MED13L: variants seen among roughly 807,000 people sequenced by gnomAD.
MED13L encodes the protein mediator complex subunit 13L.
MED13L carries 7 observed loss-of-function variants against 220.9 expected under a neutral mutation model. The observed-to-expected ratio is 0.03, with a 90% CI of 0.02 to 0.06. The LOEUF (loss-of-function observed/expected upper bound fraction) is 0.06, where lower values mean the gene tolerates loss of function less well. Among genes scored for constraint, MED13L ranks in the 10% least tolerant of loss-of-function variants. The pLI, the probability that MED13L is intolerant of heterozygous loss-of-function variation, is 1.00. For synonymous variants in MED13L, 1,011 were observed against 1,015.2 expected, an observed-to-expected ratio of 1.00 and a Z score of 0.08; for missense variants, 1,965 against 2,760.5, an observed-to-expected ratio of 0.71 and a Z score of 6.46.
intron 2 of MED13L, among the ~76,000 whole-genome samples, chr12:116,190,565 C>A (rs1881207244): frequency 6.6e-6 from 1 of 152,102 alleles, no homozygotes; most frequent in African/African-American, 2.4e-5. Context: ...AGGAAGCAAT[C>A]CAAAACATTA....
intron 4 of MED13L, among the ~76,000 whole-genome samples, chr12:116,048,784 A>C (rs188487890): frequency 1.3e-5 from 2 of 152,310 alleles, no homozygotes; most frequent in Admixed American, 6.5e-5. Context: ...GGCAGTGCCT[A>C]AGTTACAGAC....
intron 4 of MED13L, among the ~76,000 whole-genome samples, chr12:116,087,948 A>G (rs1347794808): frequency 1.3e-5 from 2 of 152,336 alleles, no homozygotes; most frequent in South Asian, 2.1e-4. Context: ...CAGGTTCCCC[A>G]TCCAGTAGTA....
chr12:116,231,620 G>A (rs946117592), intron 2 of MED13L, among the ~76,000 whole-genome samples: 2 of 152,018 alleles, frequency 1.3e-5, no homozygotes, highest in African/African-American at 4.8e-5. Flanking sequence ...TAAGACAATT[G>A]GGAAATTTGA....
intron 2 of MED13L, among the ~76,000 whole-genome samples, chr12:116,125,643 G>A (rs1042339492): frequency 6.6e-6 from 1 of 152,074 alleles, no homozygotes; most frequent in Admixed American, 6.5e-5. Context: ...TCTACTGTCG[G>A]TGCCCAATCC....
chr12:116,066,362 G>T (rs1869926454), intron 4 of MED13L, among the ~76,000 whole-genome samples: 1 of 152,172 alleles, frequency 6.6e-6, no homozygotes, highest in Admixed American at 6.5e-5. Context: ...AAACTCATTT[G>T]TATCACACCT....
chr12:116,123,285 A>C (rs2137964184), intron 2 of MED13L, among the ~76,000 whole-genome samples: 1 of 152,316 alleles, frequency 6.6e-6, no homozygotes, highest in Non-Finnish European at 1.5e-5. Flanking sequence ...TATATTAAAC[A>C]AGGCTGTATG....
chr12:116,132,234 C>G (rs1421901225), intron 2 of MED13L, among the ~76,000 whole-genome samples: 1 of 142,804 alleles, frequency 7.0e-6, no homozygotes, highest in Non-Finnish European at 1.5e-5. Context: ...GAGCCGAGAT[C>G]GTGGCATTGC....
intron 23 of MED13L, among the ~76,000 whole-genome samples, 163 bp from the exon 24 acceptor site, chr12:115,975,901 C>T (rs1876906053): frequency 6.6e-6 from 1 of 152,094 alleles, no homozygotes; most frequent in South Asian, 2.1e-4. Flanking sequence ...ACTGAGGACA[C>T]ATAACAAAAT....
At chr12:116,054,758 T>G (rs1051016671) in intron 4 of MED13L, among the ~76,000 whole-genome samples, 2 of 152,160 alleles carry the variant, frequency 1.3e-5, no homozygotes, top group African/African-American at 4.8e-5. Flanking sequence ...CTGGTGAGAA[T>G]CTAAGTTGGT....
intron 1 of MED13L, among the ~76,000 whole-genome samples, chr12:116,247,133 C>T (rs181778111): frequency 3.3e-4 from 50 of 151,860 alleles, no homozygotes; most frequent in African/African-American, 1.1e-3. Flanking sequence ...GTGTTTGCTT[C>T]TAAAGAAGGT....
intron 2 of MED13L, among the ~76,000 whole-genome samples, chr12:116,124,148 G>GAGAGAGAGACAGAGAC (rs1359230514): frequency 2.1e-5 from 2 of 93,778 alleles, no homozygotes; most frequent in African/African-American, 6.5e-5. Flanking sequence ...GAGAGAGAGA[G>GAGAGAGAGACAGAGAC]AGACAGAGAC....
intron 26 of MED13L, among the ~76,000 whole-genome samples, chr12:115,971,574 C>T (rs556126631): frequency 3.2e-4 from 48 of 152,306 alleles, no homozygotes; most frequent in African/African-American, 1.1e-3. Context: ...ACAAATGACA[C>T]CTACATCTAT....
intron 1 of MED13L, among the ~76,000 whole-genome samples, chr12:116,254,337 C>G (rs1021362825): frequency 6.6e-6 from 1 of 151,866 alleles, no homozygotes; most frequent in African/African-American, 2.4e-5. Context: ...TTTTTAAAAT[C>G]CAAGGATTTA....
At chr12:116,211,422 C>CA (rs533209410) in intron 2 of MED13L, among the ~76,000 whole-genome samples, 52 of 146,048 alleles carry the variant, frequency 3.6e-4, no homozygotes, top group African/African-American at 8.0e-4. Flanking sequence ...TTTTGCTGAC[C>CA]AAAAAAAAAA....
intron 2 of MED13L, among the ~76,000 whole-genome samples, chr12:116,224,168 A>G (rs1044624162): frequency 6.6e-6 from 1 of 152,144 alleles, no homozygotes; most frequent in Non-Finnish European, 1.5e-5. Flanking sequence ...ACCCTCTAAG[A>G]TCCCAACTAC....
At chr12:116,192,776 C>A (rs1483486310) in intron 2 of MED13L, among the ~76,000 whole-genome samples, 1 of 152,140 alleles carries the variant, frequency 6.6e-6, no homozygotes, top group Non-Finnish European at 1.5e-5. Context: ...TGCTTTAGTT[C>A]AGCAGTTCAA....
chr12:116,158,195 T>C (rs1334851310), intron 2 of MED13L, among the ~76,000 whole-genome samples: 2 of 151,336 alleles, frequency 1.3e-5, no homozygotes, highest in Non-Finnish European at 2.9e-5. Flanking sequence ...TCATCTCTTA[T>C]TCTACATACT....
chr12:116,067,999 T>C (rs1327122941), intron 4 of MED13L, among the ~76,000 whole-genome samples: 1 of 152,186 alleles, frequency 6.6e-6, no homozygotes, highest in Non-Finnish European at 1.5e-5. Context: ...CCAGTCTACT[T>C]CACTTAAGTC....
chr12:116,208,997 G>GA (rs1000280453), intron 2 of MED13L, among the ~76,000 whole-genome samples: 3 of 150,654 alleles, frequency 2.0e-5, no homozygotes, highest in Non-Finnish European at 3.0e-5. Flanking sequence ...AAGCACCAGG[G>GA]AAAAAAAAGG....
Sources: allele counts gnomAD v4.1 joint callset (sites outside exome capture counted in the v4.1 genomes callset), GRCh38; gene constraint gnomAD v4.1.1; transcripts MANE v1.5; gene names NCBI Gene and HGNC (gene_info 2026-07-23, HGNC 2026-07-21).